Variants in CDH15 observed in about 807,000 individuals in gnomAD.
CDH15 encodes the protein cadherin-15.
Under a neutral mutation model 69.4 loss-of-function variants are expected in CDH15, and 73 were observed. That is an observed-to-expected ratio of 1.05 (90% CI 0.87 to 1.28). The LOEUF (loss-of-function observed/expected upper bound fraction) is 1.28, where lower values mean the gene tolerates loss of function less well. CDH15 is among the 50% of genes most tolerant of loss of function. The pLI is 0.00. For missense variants in CDH15, 1,343 were observed against 1,133.6 expected, an observed-to-expected ratio of 1.18 and a Z score of -2.65; for synonymous variants, 624 against 507.7, an observed-to-expected ratio of 1.23 and a Z score of -3.08.
chr16:89,176,774 C>T (rs570747897), intron 1 of CDH15, among the ~76,000 whole-genome samples: 6 of 138,028 alleles, frequency 4.3e-5, no homozygotes, highest in African/African-American at 1.6e-4. Context: ...AAGATGGGGG[C>T]CCTGTCTGAA....
chr16:89,195,024 C>T lies in CDH15; in HGVS notation c.2314C>T (p.Arg772Cys), dbSNP rs773127271. Residue 772 changes from arginine (R) to cysteine (C), a missense_variant, in exon 14 of 14, where the codon CGC (arginine) becomes TGC (cysteine). Transcript: ENST00000289746. ...CGACTACCTCAGAGACTGGGGGCCC[C>T]GCTTCGCCCGGCTGGCAGACATGTA... Reference protein sequence around the residue: ...DYDYLRDWGPRFARLADMYGH... With the variant: ...DYDYLRDWGPCFARLADMYGH... 27 of 1,612,268 alleles carry T rather than the reference C, an allele frequency of 1.7e-5. No homozygotes were observed. Among genetic ancestry groups the T allele is most frequent in the Middle Eastern group, 1.7e-4 (1 of 6,050 alleles).
At chr16:89,192,133 T>C (rs1915662041) in intron 10 of CDH15, 72 bp from the exon 11 acceptor site, 4 of 1,465,994 alleles carry the variant, frequency 2.7e-6, no homozygotes, top group Non-Finnish European at 3.6e-6. Flanking sequence ...CCACCCTGTC[T>C]CGGCGCGAGG....
At chr16:89,183,447 T>A in intron 3 of CDH15, 101 bp from the exon 4 acceptor site, 1 of 1,376,910 alleles carries the variant, frequency 7.3e-7, no homozygotes, top group Non-Finnish European at 1.0e-6. Flanking sequence ...TGTTTCCAGC[T>A]GGAGACAAAG....
chr16:89,193,654 C>T (rs757918690), intron 12 of CDH15, 48 bp downstream of exon 12: 2 of 1,566,400 alleles, frequency 1.3e-6, no homozygotes, highest in South Asian at 1.2e-5. Context: ...GAACCCAGGT[C>T]GCGGGCCTTC....
At chr16:89,189,377 G>GCACACAGATGCCCA (rs1024741204) in intron 7 of CDH15, among the ~76,000 whole-genome samples, 4 of 73,508 alleles carry the variant, frequency 5.4e-5, no homozygotes, top group East Asian at 5.2e-4. Flanking sequence ...AGATGCTGGC[G>GCACACAGATGCCCA]CACACAGATG....
intron 13 of CDH15, 148 bp downstream of exon 13, chr16:89,194,061 G>C (rs1278239318): frequency 2.0e-6 from 2 of 987,644 alleles, no homozygotes; most frequent in Non-Finnish European, 1.5e-6. Flanking sequence ...AAGATGGTGT[G>C]CGGGCGGGAG....
Position 89,183,622 on chromosome 16 carries a change from T to A in CDH15, c.432T>A (p.Asp144Glu). ...DPTDLEIVVV[D>E]QNDNRPAFLQ... ...CGGACCTGGAGATTGTAGTTGTGGA[T>A]CAGAATGACAACCGGCCAGCCTTCC... The change falls in exon 4 of 14, where the codon GAT becomes GAA. Residue 144 changes from aspartate (D) to glutamate (E), a missense_variant. Physicochemically the swap from Asp to Glu is conservative, Grantham distance 45 (BLOSUM62 2). Coordinates refer to ENST00000289746, the MANE Select transcript of CDH15 (RefSeq NM_004933.3). The A allele has an allele frequency of 6.2e-7, 1 of 1,614,086 alleles. No homozygotes were observed. The highest frequency in any genetic ancestry group is 8.5e-7 in the Non-Finnish European group (1 of 1,180,024).
intron 2 of CDH15, among the ~76,000 whole-genome samples, 179 bp from the exon 3 acceptor site, chr16:89,180,021 C>T (rs963163533): frequency 3.9e-5 from 6 of 152,194 alleles, no homozygotes; most frequent in African/African-American, 7.2e-5. Flanking sequence ...CCCTTGGGGC[C>T]ACAGGCTGAG....
chr16:89,185,658 G>A, intron 5 of CDH15: 1 of 425,700 alleles, frequency 2.3e-6, no homozygotes, highest in Non-Finnish European at 4.4e-6. Flanking sequence ...CTTCTGTCAG[G>A]GCCCCTGTTG....
chr16:89,183,728 T>C (rs1465169333), intron 4 of CDH15, 36 bp downstream of exon 4: 1 of 1,561,914 alleles, frequency 6.4e-7, no homozygotes, highest in South Asian at 1.2e-5. Flanking sequence ...CGGGAGGGGC[T>C]GCAAGGAAGG....
At chr16:89,191,112 G>T (rs1286836939) in intron 8 of CDH15, among the ~76,000 whole-genome samples, 6 of 151,482 alleles carry the variant, frequency 4.0e-5, no homozygotes, top group Non-Finnish European at 5.9e-5. Context: ...GTGCATGTGT[G>T]TGTGCTGTGC....
In CDH15 at chr16:89,195,368, C is replaced by T. The variant is rs1915784501; in HGVS notation, c.*213C>T. The T allele has an allele frequency of 1.0e-5, 6 of 586,214 alleles. No individual in the cohort carries two copies. Among genetic ancestry groups the T allele is most frequent in the Admixed American group, 3.0e-5 (1 of 32,874 alleles). 36.3% of individuals were successfully genotyped at this position (586,214 alleles called of 1,614,324 possible). A position where few individuals can be genotyped will look rare whatever the true frequency, so the allele number is the denominator to read the frequency against. On this transcript the variant is annotated 3_prime_UTR_variant, in exon 14 of 14. Coordinates refer to ENST00000289746, the MANE Select transcript of CDH15 (RefSeq NM_004933.3). ...CGGGGTGGGAAGAGTTTCTCTCCAT[C>T]GGCCCCATGCGGGTCACCTCCCTAG...
At chr16:89,192,025 C>T in intron 10 of CDH15, 131 bp downstream of exon 10, 2 of 1,052,390 alleles carry the variant, frequency 1.9e-6, no homozygotes, top group Non-Finnish European at 2.7e-6. Context: ...CCTCCCGCCA[C>T]CCCCCCCACC....
Position 89,188,161 on chromosome 16 carries a change from A to T in CDH15, c.854A>T (p.Asp285Val). 6.2e-7 allele frequency: 1 copy of T among 1,613,416 alleles called. No homozygotes were observed. The highest frequency in any genetic ancestry group is 8.5e-7 in the Non-Finnish European group (1 of 1,179,868). ...GVDVGRLEVE[D>V]RDLPGSPNWV... ...GATGTGGGACGCCTGGAAGTGGAGG[A>T]CAGGGACCTGCCAGGCTCCCCAAAC... is the stretch of plus-strand genomic sequence containing the variant. Residue 285 changes from aspartate (D) to valine (V), a missense_variant, in exon 7 of 14, where the codon GAC (aspartate) becomes GTC (valine). Coordinates refer to ENST00000289746, the MANE Select transcript of CDH15 (RefSeq NM_004933.3).
rs564531433 is a variant in CDH15, at chr16:89,183,378, G to A, written c.358-170G>A. ...GGGAAGGTGGCTCCCGTTCAGGGAC[G>A]TCCTCAGTCACTGTGACAGATGCCC... On this transcript the variant is annotated intron_variant, in intron 3 of 13. Coordinates refer to ENST00000289746, the MANE Select transcript of CDH15 (RefSeq NM_004933.3). The A allele has an allele frequency of 1.2e-4, 83 of 714,862 alleles. 2 individuals are homozygous for A. The highest frequency in any genetic ancestry group is 9.8e-4 in the South Asian group (55 of 56,124). 44.3% of individuals were successfully genotyped at this position (714,862 alleles called of 1,614,324 possible).
chr16:89,181,785 A>C lies in CDH15; in HGVS notation c.357+1430A>C, dbSNP rs530121204. On this transcript the variant is annotated intron_variant, in intron 3 of 13. Coordinates refer to ENST00000289746, the MANE Select transcript of CDH15 (RefSeq NM_004933.3). ...AAACCCCGTCTCTACTAAAAAATAC[A>C]AAAGTTAGCTGGGCATTCTAGCGTG... Among the ~76,000 whole-genome samples the C allele has an allele frequency of 2.1e-4, 32 of 152,076 alleles. 1 individual carries two copies. In the South Asian group the frequency reaches 6.0e-3, roughly 29 times the overall value.
chr16:89,183,611 G>A lies in CDH15; in HGVS notation c.421G>A (p.Val141Ile), dbSNP rs1194496617. 26 of 1,614,044 alleles carry A rather than the reference G, an allele frequency of 1.6e-5. No individual in the cohort carries two copies. Among genetic ancestry groups the A allele is most frequent in the South Asian group, 8.8e-5 (8 of 91,074 alleles). The change falls in exon 4 of 14, where the codon GTA becomes ATA. Residue 141 changes from valine to isoleucine, a missense_variant. Coordinates refer to ENST00000289746, the MANE Select transcript of CDH15 (RefSeq NM_004933.3). Reference protein sequence around the residue: ...TLEDPTDLEIVVVDQNDNRPA... With the variant: ...TLEDPTDLEIIVVDQNDNRPA... Reference sequence around the variant, plus strand: ...GGAGGACCCCACGGACCTGGAGATTGTAGTTGTGGATCAGAATGACAACCG... The same window carrying A: ...GGAGGACCCCACGGACCTGGAGATTATAGTTGTGGATCAGAATGACAACCG...
intron 5 of CDH15, 105 bp downstream of exon 5, chr16:89,185,438 C>A: frequency 7.7e-7 from 1 of 1,292,918 alleles, no homozygotes; most frequent in Non-Finnish European, 1.1e-6. Flanking sequence ...CCTGTCCCTG[C>A]CGTCACTGCA....
chr16:89,191,973 G>A (rs1055981791), intron 10 of CDH15, 79 bp downstream of exon 10: 1 of 1,383,594 alleles, frequency 7.2e-7, no homozygotes, highest in Non-Finnish European at 9.8e-7. Flanking sequence ...ACGGGGGCAG[G>A]AGGGTGAGGG....
Sources: allele counts gnomAD v4.1 joint callset (sites outside exome capture counted in the v4.1 genomes callset), GRCh38; gene constraint gnomAD v4.1.1; transcripts MANE v1.5; gene names NCBI Gene and HGNC (gene_info 2026-07-23, HGNC 2026-07-21).